UGT2B7: variants seen among roughly 807,000 people sequenced by gnomAD.
The protein encoded by UGT2B7 is UDP glucuronosyltransferase family 2 member B7, also known as UDP-glucuronosyltransferase 2B7.
A neutral mutation model predicts 51.9 loss-of-function variants in UGT2B7; 51 were observed. That is an observed-to-expected ratio of 0.98 (90% CI 0.78 to 1.24). The LOEUF (loss-of-function observed/expected upper bound fraction) is 1.24. Ranked by LOEUF, UGT2B7 falls within the 50% of genes most tolerant of loss-of-function variation. The pLI, the probability that UGT2B7 is intolerant of heterozygous loss-of-function variation, is 0.00. For missense variants in UGT2B7, 727 were observed against 628.4 expected (o/e 1.16, Z -1.68); for synonymous variants, 225 against 211.6 (o/e 1.06, Z -0.55).
At chr4:69,063,174 C>A (rs1037359644) in intron 1 of UGT2B7, among the ~76,000 whole-genome samples, 2 of 150,972 alleles carry the variant, frequency 1.3e-5, no homozygotes, top group African/African-American at 4.9e-5. Flanking sequence ...AAAAAATTAG[C>A]CGGGCGTAGT....
intron 1 of UGT2B7, among the ~76,000 whole-genome samples, chr4:69,060,643 C>T (rs1219592768): frequency 1.3e-5 from 2 of 152,206 alleles, no homozygotes; most frequent in Non-Finnish European, 2.9e-5. Flanking sequence ...CCTATCCAGG[C>T]AATTGAATTC....
chr4:69,101,853 G>T (rs938947215), intron 2 of UGT2B7, among the ~76,000 whole-genome samples: 2 of 152,120 alleles, frequency 1.3e-5, no homozygotes, highest in East Asian at 3.9e-4. Flanking sequence ...GGAATGTTAC[G>T]TGGTGTGTGT....
At chr4:69,071,800 G>A (rs1346138769) in intron 1 of UGT2B7, among the ~76,000 whole-genome samples, 2 of 152,062 alleles carry the variant, frequency 1.3e-5, no homozygotes, top group Non-Finnish European at 2.9e-5. Flanking sequence ...GAAAAAAAGT[G>A]TAACGTATTA....
At position 69,080,650 on chromosome 4, in the gene UGT2B7, T is replaced by C. The variant is rs970244809; in HGVS notation, c.-158-8822T>C. 4.6e-5 allele frequency among the ~76,000 whole-genome samples: 7 copies of C among 152,016 alleles called. No homozygotes were observed. In the South Asian group the frequency reaches 6.2e-4, roughly 14 times the overall value. ...GATTAAAATTGATCAGGGTTTTAAA[T>C]AGTATTCCTTTGACTCGCTAAGCAC... On this transcript the variant is annotated intron_variant, in intron 1 of 5. Coordinates refer to the UGT2B7 transcript ENST00000502942.
At chr4:69,095,701 G>C (rs957029320), upstream of UGT2B7, among the ~76,000 whole-genome samples, 1 of 152,002 alleles carries the variant, frequency 6.6e-6, no homozygotes, top group African/African-American at 2.4e-5. Flanking sequence ...CTTTATCTTT[G>C]ATTACTTTAA....
intron 1 of UGT2B7, among the ~76,000 whole-genome samples, chr4:69,077,051 T>G (rs994446100): frequency 2.0e-5 from 3 of 152,214 alleles, no homozygotes; most frequent in Non-Finnish European, 4.4e-5. Flanking sequence ...CTTTCCTCAT[T>G]GCTTGTTTTT....
intron 1 of UGT2B7, among the ~76,000 whole-genome samples, chr4:69,077,164 T>G (rs546298611): frequency 6.6e-6 from 1 of 152,332 alleles, no homozygotes; most frequent in South Asian, 2.1e-4. Context: ...ACCAGTACCA[T>G]GCTGTTTTGG....
chr4:69,108,102 G>A lies in UGT2B7; in HGVS notation c.1091-1G>A. ...TTTTGCTAAAATTCATCCAATCCTA[G>A]GTCATCCAAAGACCAGAGCTTTTAT... On this transcript the variant is annotated splice_acceptor_variant, in intron 4 of 5. Transcript: ENST00000305231. LOFTEE classifies it high-confidence loss of function. The A allele has an allele frequency of 6.2e-7, 1 of 1,613,252 alleles. No individual in the cohort carries two copies. Among genetic ancestry groups the A allele is most frequent in the Non-Finnish European group, 8.5e-7 (1 of 1,179,478 alleles).
At chr4:69,060,991 C>T (rs764545729) in intron 1 of UGT2B7, among the ~76,000 whole-genome samples, 1 of 152,100 alleles carries the variant, frequency 6.6e-6, no homozygotes, top group African/African-American at 2.4e-5. Flanking sequence ...TCTGACAGAT[C>T]GGCCCCTCGG....
intron 1 of UGT2B7, among the ~76,000 whole-genome samples, chr4:69,079,157 G>T (rs1292537795): frequency 6.6e-6 from 1 of 152,134 alleles, no homozygotes; most frequent in Non-Finnish European, 1.5e-5. Flanking sequence ...CTGGCTAACA[G>T]CAGCAGAATG....
At position 69,098,623 on chromosome 4, in the gene UGT2B7, C is replaced by A; in HGVS notation, c.805C>A (p.Pro269Thr). The A allele has an allele frequency of 1.2e-6, 2 of 1,612,556 alleles. No individual in the cohort carries two copies. Among genetic ancestry groups the A allele is most frequent in the Non-Finnish European group, 1.7e-6 (2 of 1,179,098 alleles). ...CTCCTGGAATTTTCAGTTTCCATATCCACTCTTACCAAATGTTGATTTTGT... is the reference window on the plus strand; with the variant it reads ...CTCCTGGAATTTTCAGTTTCCATATACACTCTTACCAAATGTTGATTTTGT... ...RNSWNFQFPY[P>T]LLPNVDFVGG... The change falls in exon 2 of 6, where the codon CCA becomes ACA. Residue 269 changes from proline (P) to threonine (T), a missense_variant. Pro to Thr is a conservative substitution (Grantham distance 38, BLOSUM62 -1). Transcript: ENST00000305231.
intron 4 of UGT2B7, among the ~76,000 whole-genome samples, chr4:69,107,817 C>T (rs1157964687): frequency 6.6e-6 from 1 of 152,090 alleles, no homozygotes; most frequent in African/African-American, 2.4e-5. Context: ...CACTTCATGC[C>T]TATCTCTTTG....
intron 1 of UGT2B7, among the ~76,000 whole-genome samples, chr4:69,059,110 G>A (rs1718283082): frequency 6.6e-6 from 1 of 152,214 alleles, no homozygotes; most frequent in Middle Eastern, 3.2e-3. Flanking sequence ...ATGAGGACTA[G>A]GACAGACCAG....
chr4:69,067,675 G>A (rs1718510564), intron 1 of UGT2B7: 1 of 154,172 alleles, frequency 6.5e-6, no homozygotes, highest in Admixed American at 6.5e-5. Context: ...CTCACATGAA[G>A]GCCAAGGGAG....
At chr4:69,076,795 C>T (rs962442536) in intron 1 of UGT2B7, among the ~76,000 whole-genome samples, 3 of 152,144 alleles carry the variant, frequency 2.0e-5, no homozygotes, top group African/African-American at 4.8e-5. Flanking sequence ...AATTAGATCC[C>T]ATTTGTGTAT....
intron 1 of UGT2B7, among the ~76,000 whole-genome samples, chr4:69,056,176 C>T (rs4307027): frequency 0.61 from 93,299 of 151,960 alleles, 30,145 homozygotes; most frequent in African/African-American, 0.8. Context: ...AAAGGAAGCA[C>T]AGCCATAGGT....
At position 69,103,011 on chromosome 4, in the gene UGT2B7, A is replaced by G. The variant is rs1315855476; in HGVS notation, c.1002+73A>G. On this transcript the variant is annotated intron_variant, in intron 3 of 5. Coordinates refer to ENST00000305231, the MANE Select transcript of UGT2B7 (RefSeq NM_001074.4). The stretch of plus-strand genomic sequence containing the variant: ...TTAAAGTTTGAAGTAATCCAATTAT[A>G]GAAACTTCTGATAAATGTGAAGTTG... 1.1e-5 allele frequency: 17 copies of G among 1,562,984 alleles called. No individual in the cohort carries two copies. In the Admixed American group the frequency reaches 3.2e-4, roughly 30 times the overall value.
intron 1 of UGT2B7, among the ~76,000 whole-genome samples, chr4:69,072,122 T>C (rs548441592): frequency 1.3e-5 from 2 of 152,234 alleles, no homozygotes; most frequent in East Asian, 1.9e-4. Context: ...TAGGAAAGTA[T>C]GTGAATATGA....
chr4:69,067,927 A>G (rs1718516536), intron 1 of UGT2B7, among the ~76,000 whole-genome samples: 1 of 152,134 alleles, frequency 6.6e-6, no homozygotes, highest in South Asian at 2.1e-4. Flanking sequence ...GTTGAAGCAG[A>G]AAACCATAAA....
Sources: gnomAD v4.1 joint callset for allele counts (sites outside exome capture counted in the v4.1 genomes callset) on GRCh38, gnomAD v4.1.1 for gene constraint, MANE v1.5 for transcripts, NCBI Gene and HGNC (gene_info 2026-07-23, HGNC 2026-07-21) for gene names.